The following MALRD1 variants were observed in gnomAD, a reference collection of about 807,000 sequenced individuals.
MALRD1 encodes MAM and LDL-receptor class A domain-containing protein 1.
A neutral mutation model predicts 242.1 loss-of-function variants in MALRD1; 247 were observed. That is an observed-to-expected ratio of 1.02 (90% CI 0.92 to 1.13). MALRD1 has a LOEUF of 1.13. MALRD1 is among the 50% of genes most tolerant of loss of function. MALRD1 has a pLI of 0.00. For missense variants in MALRD1, 2,989 were observed against 2,533.1 expected (o/e 1.18, Z -3.86); for synonymous variants, 995 against 866.6 (o/e 1.15, Z -2.60).
intron 29 of MALRD1, among the ~76,000 whole-genome samples, chr10:19,486,820 G>A (rs574062154): frequency 1.3e-5 from 2 of 152,198 alleles, no homozygotes; most frequent in Admixed American, 1.3e-4. Flanking sequence ...GAAATTTATA[G>A]GATCGAGGAT....
chr10:19,691,658 G>A lies in MALRD1; in HGVS notation c.6138-624G>A, dbSNP rs527793404. ...AGAGGCAGAAGGTACTCTTTCATTCGTAACTTTCTCAAGACCATCCGTACC... is the reference window on the plus strand; with the variant it reads ...AGAGGCAGAAGGTACTCTTTCATTCATAACTTTCTCAAGACCATCCGTACC... On this transcript the variant is annotated intron_variant, in intron 36 of 39. Transcript: ENST00000454679. 5.9e-5 allele frequency among the ~76,000 whole-genome samples: 9 copies of A among 152,088 alleles called. No individual in the cohort carries two copies. The South Asian group carries it at 1.9e-3, about 32-fold the overall frequency.
chr10:19,504,184 G>A (rs1043265340), intron 31 of MALRD1, among the ~76,000 whole-genome samples: 3 of 152,180 alleles, frequency 2.0e-5, no homozygotes, highest in Admixed American at 6.5e-5. Flanking sequence ...ATATTATTCT[G>A]ATATCAGAGA....
At chr10:19,402,647 A>G (rs1846918994) in intron 28 of MALRD1, among the ~76,000 whole-genome samples, 1 of 152,176 alleles carries the variant, frequency 6.6e-6, no homozygotes, top group South Asian at 2.1e-4. Context: ...CAAAAAAATG[A>G]ATAAAATAAA....
At position 19,561,073 on chromosome 10, in the gene MALRD1, AAAAAT is replaced by A. The variant is rs746946008; in HGVS notation, c.5479-6421_5479-6417del. Among the ~76,000 whole-genome samples, 86 of 152,328 alleles carry A rather than the reference AAAAAT, an allele frequency of 5.6e-4. No homozygotes were observed. The Middle Eastern group carries it at 0.01, about 18-fold the overall frequency. ...TTTGGGAATTGGGCATTTGAGAAAT[AAAAAT>A]AAAATAATTTATAATAAAAAGAAAA... On this transcript the variant is annotated intron_variant, in intron 32 of 39. Coordinates refer to ENST00000454679, the MANE Select transcript of MALRD1 (RefSeq NM_001142308.3).
chr10:19,679,165 G>A (rs1842261094), intron 36 of MALRD1, among the ~76,000 whole-genome samples: 1 of 152,134 alleles, frequency 6.6e-6, no homozygotes. Context: ...GGATGATGCT[G>A]GCCCCATTAA....
chr10:19,525,185 G>C (rs978655303), intron 31 of MALRD1, among the ~76,000 whole-genome samples: 1 of 151,416 alleles, frequency 6.6e-6, no homozygotes, highest in Non-Finnish European at 1.5e-5. Flanking sequence ...AAAGTGCTGA[G>C]ATTACAGGCG....
chr10:19,104,137 C>A, intron 5 of MALRD1, 62 bp downstream of exon 5: 1 of 928,002 alleles, frequency 1.1e-6, no homozygotes, highest in Non-Finnish European at 1.4e-6. Context: ...GCAATTTAAA[C>A]ATTGTGATGA....
At position 19,479,374 on chromosome 10, in the gene MALRD1, A is replaced by T. The variant is rs573299222; in HGVS notation, c.5030-12143A>T. On this transcript the variant is annotated intron_variant, in intron 29 of 39. Transcript: ENST00000454679. ...TTCTTCGTGGAAGGAACAGCACCTA[A>T]GGTGTGAGTTATAGGAATCCATATT... 7.9e-5 allele frequency among the ~76,000 whole-genome samples: 12 copies of T among 152,280 alleles called. No homozygotes were observed. The South Asian group carries it at 2.5e-3, about 32-fold the overall frequency.
chr10:19,463,155 A>C (rs562641556), intron 29 of MALRD1, among the ~76,000 whole-genome samples: 57 of 152,192 alleles, frequency 3.7e-4, no homozygotes, highest in African/African-American at 1.3e-3. Flanking sequence ...TTTTATTTTT[A>C]AATTTAATTT....
intron 31 of MALRD1, among the ~76,000 whole-genome samples, chr10:19,530,790 G>C (rs1288552069): frequency 1.3e-5 from 2 of 152,064 alleles, no homozygotes; most frequent in Admixed American, 6.6e-5. Context: ...ACCCTGGCCA[G>C]TGTGGGAATC....
chr10:19,049,044 G>A lies in MALRD1; in HGVS notation c.106G>A (p.Glu36Lys), dbSNP rs1464806167. 8.1e-6 allele frequency: 10 copies of A among 1,233,802 alleles called. No individual in the cohort carries two copies. The highest frequency in any genetic ancestry group is 4.2e-5 in the Admixed American group (1 of 23,708). The allele number at this position is 1,233,802 out of a possible 1,614,324, so 76.4% of individuals were successfully genotyped here. The change falls in exon 1 of 40, where the codon GAA (glutamate) becomes AAA (lysine). Residue 36 changes from glutamate (E) to lysine (K), a missense_variant. Physicochemically the swap from Glu to Lys is moderately conservative, Grantham distance 56. Transcript: ENST00000454679. ...FNSTLAQQGT[E>K]SFQCDNGVSL... ...TTCTACACTGGCTCAGCAAGGGACA[G>A]AAAGCTTTCAGTGTGACAATGGAGT...
At chr10:19,270,837 C>G (rs1344926161) in intron 19 of MALRD1, among the ~76,000 whole-genome samples, 1 of 151,488 alleles carries the variant, frequency 6.6e-6, no homozygotes, top group Non-Finnish European at 1.5e-5. Context: ...CACACACACA[C>G]ACACACGCAC....
intron 24 of MALRD1, among the ~76,000 whole-genome samples, chr10:19,336,887 C>A (rs867147622): frequency 6.6e-6 from 1 of 151,868 alleles, no homozygotes; most frequent in Middle Eastern, 3.2e-3. Context: ...AAAATAAAGA[C>A]AAAACTATTT....
At chr10:19,237,929 T>TTATATATAATTATATAG (rs1838452930) in intron 18 of MALRD1, among the ~76,000 whole-genome samples, 1 of 31,888 alleles carries the variant, frequency 3.1e-5, no homozygotes, top group African/African-American at 2.1e-4. Context: ...TAATTATATG[T>TTATATATAATTATATAG]AATTTTATAC....
At chr10:19,658,198 A>T (rs1234336096) in intron 36 of MALRD1, among the ~76,000 whole-genome samples, 1 of 152,150 alleles carries the variant, frequency 6.6e-6, no homozygotes, top group African/African-American at 2.4e-5. Flanking sequence ...TGTACAAGTC[A>T]TAAAACATTA....
chr10:19,380,839 T>G (rs1845804196), intron 26 of MALRD1, among the ~76,000 whole-genome samples: 1 of 152,180 alleles, frequency 6.6e-6, no homozygotes, highest in African/African-American at 2.4e-5. Flanking sequence ...CTGGAAATTT[T>G]TTGTAACATC....
chr10:19,733,755 A>C (rs920288032), intron 39 of MALRD1, among the ~76,000 whole-genome samples: 3 of 150,212 alleles, frequency 2.0e-5, no homozygotes, highest in Admixed American at 1.3e-4. Flanking sequence ...AGGAAACTTA[A>C]ATGAAATGGC....
intron 36 of MALRD1, among the ~76,000 whole-genome samples, chr10:19,619,355 TGTAA>T (rs951820218): frequency 2.9e-4 from 44 of 152,162 alleles, no homozygotes; most frequent in Middle Eastern, 6.8e-3. Flanking sequence ...CACAATATTT[TGTAA>T]GTGTTAGTTT....
At chr10:19,480,803 C>T (rs1393739486) in intron 29 of MALRD1, among the ~76,000 whole-genome samples, 1 of 152,072 alleles carries the variant, frequency 6.6e-6, no homozygotes, top group African/African-American at 2.4e-5. Context: ...ATCTCTTCTT[C>T]CTTCTTTCTA....
Sources: allele counts gnomAD v4.1 joint callset (sites outside exome capture counted in the v4.1 genomes callset), GRCh38; gene constraint gnomAD v4.1.1; transcripts MANE v1.5; gene names NCBI Gene and HGNC (gene_info 2026-07-23, HGNC 2026-07-21).